PRKCA: variants seen among roughly 807,000 people sequenced by gnomAD.
PRKCA encodes protein kinase C alpha, also known as protein kinase C alpha type.
A neutral mutation model predicts 87.0 loss-of-function variants in PRKCA; 27 were observed. The ratio of observed to expected loss-of-function variants is 0.31; its 90% CI spans 0.23 to 0.43. The LOEUF is 0.43. Ranked by LOEUF, PRKCA falls within the 20% of genes least tolerant of loss-of-function variation. The pLI is 1.00. For missense variants in PRKCA, 518 were observed against 852.3 expected, an observed-to-expected ratio of 0.61 and a Z score of 4.88; for synonymous variants, 329 against 311.1, an observed-to-expected ratio of 1.06 and a Z score of -0.61.
At chr17:66,350,432 A>T (rs191654817) in intron 2 of PRKCA, among the ~76,000 whole-genome samples, 36 of 152,294 alleles carry the variant, frequency 2.4e-4, no homozygotes, top group African/African-American at 8.2e-4. Flanking sequence ...CCCTTTCCTA[A>T]AGGAAACAGA....
intron 2 of PRKCA, among the ~76,000 whole-genome samples, chr17:66,332,039 C>A (rs1368547550): frequency 1.8e-5 from 2 of 113,702 alleles, no homozygotes; most frequent in Non-Finnish European, 3.6e-5. Context: ...CCAATGGTAG[C>A]AAACCAATTT....
chr17:66,725,473 C>T (rs1478362608), intron 8 of PRKCA, among the ~76,000 whole-genome samples: 1 of 151,890 alleles, frequency 6.6e-6, no homozygotes. Context: ...TGGTCCTTAC[C>T]TCCTAGGATC....
At chr17:66,445,656 G>A (rs139248202) in intron 2 of PRKCA, among the ~76,000 whole-genome samples, 1 of 152,322 alleles carries the variant, frequency 6.6e-6, no homozygotes, top group Non-Finnish European at 1.5e-5. Flanking sequence ...CGGCCTTGCT[G>A]TGTGTCCTGG....
intron 8 of PRKCA, among the ~76,000 whole-genome samples, chr17:66,721,595 T>C (rs1352701843): frequency 1.3e-5 from 2 of 152,090 alleles, no homozygotes; most frequent in African/African-American, 2.4e-5. Flanking sequence ...AACCACTGGA[T>C]GTTACCATGG....
intron 2 of PRKCA, among the ~76,000 whole-genome samples, chr17:66,395,925 T>C (rs1158710810): frequency 6.6e-6 from 1 of 152,106 alleles, no homozygotes; most frequent in Admixed American, 6.5e-5. Context: ...TCCTTCTTTT[T>C]CACTCTTTCC....
intron 2 of PRKCA, among the ~76,000 whole-genome samples, chr17:66,438,862 C>T (rs991492935): frequency 6.6e-6 from 1 of 152,134 alleles, no homozygotes; most frequent in South Asian, 2.1e-4. Context: ...TACTGCCCCC[C>T]ATGATTCAAT....
Position 66,727,220 on chromosome 17 carries a change from T to C in PRKCA, c.919-5468T>C, listed in dbSNP as rs897792899. Among the ~76,000 whole-genome samples the C allele has an allele frequency of 4.6e-5, 7 of 152,212 alleles. No individual in the cohort carries two copies. The South Asian group carries it at 1.5e-3, about 32-fold the overall frequency. The stretch of plus-strand genomic sequence containing the variant: ...AAATAGTGAAAAATATGGAGATTTA[T>C]TGCAAAGTGACCAGTACACACTTGA... On this transcript the variant is annotated intron_variant, in intron 8 of 16. Coordinates refer to ENST00000413366, the MANE Select transcript of PRKCA (RefSeq NM_002737.3).
chr17:66,624,538 C>T (rs1970788777), intron 3 of PRKCA, among the ~76,000 whole-genome samples: 2 of 152,136 alleles, frequency 1.3e-5, no homozygotes, highest in South Asian at 4.1e-4. Flanking sequence ...TGGTGGCTCA[C>T]ACTTGTAATC....
At position 66,436,966 on chromosome 17, in the gene PRKCA, G is replaced by T. The variant is rs548293443; in HGVS notation, c.206-59235G>T. Among the ~76,000 whole-genome samples the T allele has an allele frequency of 3.3e-5, 5 of 152,252 alleles. No individual in the cohort carries two copies. In the South Asian group the frequency reaches 1.0e-3, roughly 32 times the overall value. On this transcript the variant is annotated intron_variant, in intron 2 of 16. Coordinates refer to ENST00000413366, the MANE Select transcript of PRKCA (RefSeq NM_002737.3). ...AAACATGCTAGAGCCGTTCAGCTGT[G>T]GGATGATTGAGAAGCCAGAGTTTAT...
intron 16 of PRKCA, chr17:66,796,327 T>A: frequency 1.8e-6 from 1 of 549,268 alleles, no homozygotes; most frequent in East Asian, 1.5e-4. Flanking sequence ...CGACAGGTGT[T>A]TCCGCATCAG....
chr17:66,416,151 C>T (rs1212247757), intron 2 of PRKCA: 2 of 152,218 alleles, frequency 1.3e-5, no homozygotes, highest in Non-Finnish European at 2.9e-5. Context: ...CATGAAAGAG[C>T]CTGCACTGTT....
chr17:66,781,887 A>T (rs956535460), intron 14 of PRKCA, among the ~76,000 whole-genome samples: 250 of 125,602 alleles, frequency 2.0e-3, no homozygotes, highest in Admixed American at 5.8e-3. Context: ...ATATATATAT[A>T]GTGTGTGTGT....
intron 3 of PRKCA, among the ~76,000 whole-genome samples, chr17:66,577,975 C>T (rs1386763269): frequency 6.6e-6 from 1 of 152,020 alleles, no homozygotes; most frequent in Non-Finnish European, 1.5e-5. Context: ...CTGCTCTGTG[C>T]CATGGACCAG....
Position 66,797,930 on chromosome 17 carries a change from C to T in PRKCA, c.1855-5943C>T, listed in dbSNP as rs1322679929. 2.6e-5 allele frequency among the ~76,000 whole-genome samples: 4 copies of T among 152,234 alleles called. No homozygotes were observed. The South Asian group carries it at 6.2e-4, about 24-fold the overall frequency. ...AGTGCGCACCCAGCCCAGTTTTGCT[C>T]ACAAGGTATAAATGTTACTTTTAGT... On this transcript the variant is annotated intron_variant, in intron 16 of 16. Coordinates refer to ENST00000413366, the MANE Select transcript of PRKCA (RefSeq NM_002737.3).
chr17:66,712,696 G>A (rs1193527635), intron 8 of PRKCA, among the ~76,000 whole-genome samples: 2 of 152,158 alleles, frequency 1.3e-5, no homozygotes, highest in African/African-American at 2.4e-5. Flanking sequence ...GTGTGGCGAG[G>A]AAGTGCCACA....
At chr17:66,436,056 G>A (rs1046798683) in intron 2 of PRKCA, among the ~76,000 whole-genome samples, 4 of 152,126 alleles carry the variant, frequency 2.6e-5, no homozygotes, top group African/African-American at 9.7e-5. Flanking sequence ...ATGGCTGGCA[G>A]GGGAAAAGGG....
At chr17:66,775,288 T>C in intron 14 of PRKCA, 1 of 985,242 alleles carries the variant, frequency 1.0e-6, no homozygotes, top group Non-Finnish European at 1.2e-6. Flanking sequence ...TACTACCTTT[T>C]AGGGTCTCAG....
intron 8 of PRKCA, chr17:66,696,406 T>C (rs1460393639): frequency 1.3e-5 from 2 of 152,206 alleles, no homozygotes; most frequent in Non-Finnish European, 2.9e-5. Flanking sequence ...TCTCTGACCT[T>C]TGTTTTCCTT....
intron 2 of PRKCA, among the ~76,000 whole-genome samples, chr17:66,318,112 G>C (rs940149074): frequency 6.6e-6 from 1 of 152,126 alleles, no homozygotes; most frequent in Non-Finnish European, 1.5e-5. Flanking sequence ...TTTCTTTTTA[G>C]TGAACTTAAT....
Sources: allele counts gnomAD v4.1 joint callset (sites outside exome capture counted in the v4.1 genomes callset), GRCh38; gene constraint gnomAD v4.1.1; transcripts MANE v1.5; gene names NCBI Gene and HGNC (gene_info 2026-07-23, HGNC 2026-07-21).